Variants in UTP25 observed in about 807,000 individuals in gnomAD.
UTP25 encodes U3 small nucleolar RNA-associated protein 25 homolog.
Under a neutral mutation model 78.9 loss-of-function variants are expected in UTP25, and 50 were observed. The observed-to-expected ratio is 0.63, with a 90% confidence interval of 0.50 to 0.80. The LOEUF (loss-of-function observed/expected upper bound fraction) is 0.80. Ranked by LOEUF, UTP25 falls within the 30% of genes least tolerant of loss-of-function variation. The pLI, the probability that UTP25 is intolerant of heterozygous loss-of-function variation, is 0.00. For missense variants in UTP25, 846 were observed against 911.3 expected, an observed-to-expected ratio of 0.93 and a Z score of 0.92; for synonymous variants, 329 against 336.5, an observed-to-expected ratio of 0.98 and a Z score of 0.24.
chr1:209,842,380 T>C lies in UTP25; in HGVS notation c.1601T>C (p.Phe534Ser). The change falls in exon 9 of 12, where the codon TTT (phenylalanine) becomes TCT (serine). Residue 534 changes from phenylalanine to serine, a missense_variant. Coordinates refer to ENST00000491415, the MANE Select transcript of UTP25 (RefSeq NM_014388.7). ...WSKYYRQTLL[F>S]GALQDAQINS... ...AAGTACTATCGCCAGACACTGCTAT[T>C]TGGGGCCCTTCAGGATGCCCAGATC... The C allele has an allele frequency of 1.2e-6, 2 of 1,614,168 alleles. No homozygotes were observed. The highest frequency in any genetic ancestry group is 1.7e-6 in the Non-Finnish European group (2 of 1,179,996).
At position 209,842,331 on chromosome 1, in the gene UTP25, A is replaced by T; in HGVS notation, c.1552A>T (p.Met518Leu). 6.2e-7 allele frequency: 1 copy of T among 1,614,110 alleles called. No homozygotes were observed. The highest frequency in any genetic ancestry group is 8.5e-7 in the Non-Finnish European group (1 of 1,179,968). ...TGGGGTAGACTTTTCTCGAGTGCGG[A>T]TGTGGAGCCTCAATAATTGGTCCAA... ...SHGVDFSRVR[M>L]WSLNNWSKYY... The change falls in exon 9 of 12, where the codon ATG becomes TTG. Residue 518 changes from methionine (M) to leucine (L), a missense_variant. Transcript: ENST00000491415.
chr1:209,851,203 G>C lies in UTP25; in HGVS notation c.2028-1G>C, dbSNP rs775930068. 1 of 1,609,694 alleles carries C rather than the reference G, an allele frequency of 6.2e-7. No individual in the cohort carries two copies. The highest frequency in any genetic ancestry group is 8.5e-7 in the Non-Finnish European group (1 of 1,178,596). On this transcript the variant is annotated splice_acceptor_variant, in intron 11 of 11. Transcript: ENST00000491415. LOFTEE classifies it high-confidence loss of function. ...TAGCTCTTTCTTTCCAATTCTGACA[G>C]GTATACAATAAAAGGCATCAGGAAC...
rs1397619478 is a variant in UTP25 at position 209,857,088 on chromosome 1, T to G, written c.*5641T>G. The G allele has an allele frequency of 1.3e-5, 2 of 152,172 alleles. No homozygotes were observed. Among genetic ancestry groups the G allele is most frequent in the Non-Finnish European group, 2.9e-5 (2 of 68,026 alleles). 9.4% of individuals were successfully genotyped at this position (152,172 alleles called of 1,614,324 possible). A position where few individuals can be genotyped will look rare whatever the true frequency, so the allele number is the denominator to read the frequency against. ...TGCCACTTGATCCGTGAATTACCTA[T>G]AGGTCATCCCTAAGAGGTGGCCTCC... On this transcript the variant is annotated 3_prime_UTR_variant, in exon 12 of 12. Coordinates refer to ENST00000491415, the MANE Select transcript of UTP25 (RefSeq NM_014388.7).
rs2102588914 is a variant in UTP25 at position 209,856,150 on chromosome 1, C to T, written c.*4703C>T. On this transcript the variant is annotated 3_prime_UTR_variant, in exon 12 of 12. Transcript: ENST00000491415. The stretch of plus-strand genomic sequence containing the variant: ...CCTCACGACCACTTCTCAGTTTTCT[C>T]ATCTTTATGAAGTATGGAGTAATCC... The T allele has an allele frequency of 6.6e-6, 1 of 152,356 alleles. No homozygotes were observed. Among genetic ancestry groups the T allele is most frequent in the African/African-American group, 2.4e-5 (1 of 41,588 alleles). The allele number at this position is 152,356 out of a possible 1,614,324, so 9.4% of individuals were successfully genotyped here.
intron 1 of UTP25, among the ~76,000 whole-genome samples, chr1:209,828,778 AT>A (rs71143897): frequency 0.38 from 52,400 of 136,916 alleles, 9,755 homozygotes; most frequent in Middle Eastern, 0.48. Context: ...TATATATATA[AT>A]TTTTTTTTTT....
rs1186609635 is a variant in UTP25, at chr1:209,828,171, G to A, written c.107+1G>A. The stretch of plus-strand genomic sequence containing the variant: ...GCGAGGAGCATCCCTTCTATGACAG[G>A]TCTGAAGGGGCGTGGCAGGGCTCCC... On this transcript the variant is annotated splice_donor_variant, in intron 1 of 11. Coordinates refer to ENST00000491415, the MANE Select transcript of UTP25 (RefSeq NM_014388.7). LOFTEE classifies it high-confidence loss of function. 1.1e-5 allele frequency: 18 copies of A among 1,610,908 alleles called. No homozygotes were observed. Among genetic ancestry groups the A allele is most frequent in the Non-Finnish European group, 1.4e-5 (16 of 1,177,216 alleles).
chr1:209,838,937 C>T lies in UTP25; in HGVS notation c.1091C>T (p.Ala364Val). ...CTGATAGTGGTGCCATTCCGGGAAG[C>T]TGCTTTGCGGGTGGTGCAGCTCTTC... ...KVLIVVPFRE[A>V]ALRVVQLFIS... Residue 364 changes from alanine (A) to valine (V), a missense_variant, in exon 7 of 12, where the codon GCT (alanine) becomes GTT (valine). Transcript: ENST00000491415. The T allele has an allele frequency of 6.2e-7, 1 of 1,614,132 alleles. No individual in the cohort carries two copies.
chr1:209,844,196 C>T (rs528450797), intron 11 of UTP25: 1 of 153,728 alleles, frequency 6.5e-6, no homozygotes, highest in East Asian at 1.9e-4. Context: ...CCAAGGAGAA[C>T]TAGGACCGTG....
At position 209,828,049 on chromosome 1, in the gene UTP25, C is replaced by T; in HGVS notation, c.-15C>T. 1 of 1,610,832 alleles carries T rather than the reference C, an allele frequency of 6.2e-7. No homozygotes were observed. The highest frequency in any genetic ancestry group is 8.5e-7 in the Non-Finnish European group (1 of 1,177,008). The stretch of plus-strand genomic sequence containing the variant: ...ACCGCGACTCTTGCAAGTGGGCAAA[C>T]TTGACGTTTTCGCTATGGGCAAACG... On this transcript the variant is annotated 5_prime_UTR_variant, in exon 1 of 12. Transcript: ENST00000491415.
intron 3 of UTP25, 84 bp from the exon 4 acceptor site, chr1:209,833,101 G>C: frequency 7.9e-7 from 1 of 1,270,212 alleles, no homozygotes; most frequent in Non-Finnish European, 1.1e-6. Flanking sequence ...CGCTATTGTT[G>C]GTATAGCCTA....
chr1:209,830,012 GTTATA>G, intron 1 of UTP25, 91 bp from the exon 2 acceptor site: 1 of 1,083,644 alleles, frequency 9.2e-7, no homozygotes, highest in Non-Finnish European at 1.4e-6. Flanking sequence ...TATTTATAAT[GTTATA>G]TTCTGCCTTT....
chr1:209,842,682 G>T lies in UTP25; in HGVS notation c.1768G>T (p.Val590Leu). ...QRMEAENLASVIDARFNFFVN... is the reference protein window; with the variant it reads ...QRMEAENLASLIDARFNFFVN... The stretch of plus-strand genomic sequence containing the variant: ...GATGGAAGCTGAAAACCTAGCTTCA[G>T]TGATTGATGCCAGGTAACCCACTCC... Residue 590 changes from valine to leucine, a missense_variant, in exon 10 of 12, where the codon GTG becomes TTG. By Grantham distance (32) the Val-to-Leu change is conservative. Coordinates refer to ENST00000491415, the MANE Select transcript of UTP25 (RefSeq NM_014388.7). 1 of 1,611,458 alleles carries T rather than the reference G, an allele frequency of 6.2e-7. No homozygotes were observed. Among genetic ancestry groups the T allele is most frequent in the South Asian group, 1.1e-5 (1 of 90,316 alleles).
intron 10 of UTP25, chr1:209,842,924 T>C: frequency 1.9e-6 from 1 of 535,542 alleles, no homozygotes; most frequent in Non-Finnish European, 3.3e-6. Context: ...TTACTATAAA[T>C]CAGGACTCTT....
intron 4 of UTP25, among the ~76,000 whole-genome samples, 184 bp from the exon 5 acceptor site, chr1:209,834,891 A>C (rs1452261168): frequency 6.6e-6 from 1 of 152,204 alleles, no homozygotes; most frequent in Non-Finnish European, 1.5e-5. Context: ...ATAATTAGAG[A>C]AATGTTTTAG....
In UTP25 at chr1:209,852,476, A is replaced by G. The variant is rs1020727865; in HGVS notation, c.*1029A>G. Reference sequence around the variant, plus strand: ...TAAGAGATATTCAACTCATCCTAGTATGGACTCGTAGTTTCTTCTTTTATT... The same window carrying G: ...TAAGAGATATTCAACTCATCCTAGTGTGGACTCGTAGTTTCTTCTTTTATT... On this transcript the variant is annotated 3_prime_UTR_variant, in exon 12 of 12. Coordinates refer to ENST00000491415, the MANE Select transcript of UTP25 (RefSeq NM_014388.7). The G allele has an allele frequency of 1.3e-5, 2 of 152,226 alleles. No individual in the cohort carries two copies. The highest frequency in any genetic ancestry group is 4.8e-5 in the African/African-American group (2 of 41,466). The allele number at this position is 152,226 out of a possible 1,614,324, so 9.4% of individuals were successfully genotyped here. A position where few individuals can be genotyped will look rare whatever the true frequency, so the allele number is the denominator to read the frequency against.
intron 3 of UTP25, 116 bp from the exon 4 acceptor site, chr1:209,833,069 A>T: frequency 1.0e-6 from 1 of 1,000,722 alleles, no homozygotes; most frequent in Non-Finnish European, 1.4e-6. Flanking sequence ...GAATTTACCT[A>T]AATATAAATA....
At chr1:209,842,818 G>C (rs1410699485) in intron 10 of UTP25, 123 bp downstream of exon 10, 1 of 686,502 alleles carries the variant, frequency 1.5e-6, no homozygotes, top group Non-Finnish European at 2.5e-6. Flanking sequence ...TGAGATAATT[G>C]AACTTAATTA....
At chr1:209,836,696 G>A in intron 5 of UTP25, 105 bp from the exon 6 acceptor site, 2 of 1,244,276 alleles carry the variant, frequency 1.6e-6, no homozygotes, top group Non-Finnish European at 1.1e-6. Flanking sequence ...AGGATTAAAT[G>A]AGATGATCTA....
intron 11 of UTP25, among the ~76,000 whole-genome samples, chr1:209,847,434 C>T (rs750998059): frequency 1.6e-4 from 25 of 152,160 alleles, no homozygotes; most frequent in Admixed American, 8.5e-4. Context: ...AGTAAAGTAG[C>T]GTGAGTCTTC....
Sources: allele counts gnomAD v4.1 joint callset (sites outside exome capture counted in the v4.1 genomes callset), GRCh38; gene constraint gnomAD v4.1.1; transcripts MANE v1.5; gene names NCBI Gene and HGNC (gene_info 2026-07-23, HGNC 2026-07-21).